Variants in ERO1A observed in about 807,000 individuals in gnomAD.
The protein encoded by ERO1A is endoplasmic reticulum oxidoreductase 1 alpha, also known as ERO1-like protein alpha.
Under a neutral mutation model 76.9 loss-of-function variants are expected in ERO1A, and 49 were observed. That is an observed-to-expected ratio of 0.64 (90% CI 0.51 to 0.81). ERO1A has a LOEUF of 0.81. ERO1A is among the 30% of genes least tolerant of loss of function. The pLI is 0.00. For missense variants in ERO1A, 448 were observed against 542.1 expected (o/e 0.83, Z 1.72); for synonymous variants, 174 against 181.2 (o/e 0.96, Z 0.32).
rs574383675 is a variant in ERO1A at position 52,662,639 on chromosome 14, A to G, written c.676+1162T>C. Among the ~76,000 whole-genome samples the G allele has an allele frequency of 2.6e-5, 4 of 152,332 alleles. No individual in the cohort carries two copies. The East Asian group carries it at 7.7e-4, about 29-fold the overall frequency. ...CAACAAACCATTCTTCATATTACAGATGGGGTAGGGTTTTTGTAAATTTTA... is the reference window on the plus strand; with the variant it reads ...CAACAAACCATTCTTCATATTACAGGTGGGGTAGGGTTTTTGTAAATTTTA... On this transcript the variant is annotated intron_variant, in intron 8 of 15. Transcript: ENST00000395686.
intron 4 of ERO1A, among the ~76,000 whole-genome samples, chr14:52,673,199 C>T (rs57400392): frequency 0.14 from 20,954 of 152,066 alleles, 1,483 homozygotes; most frequent in East Asian, 0.23. Flanking sequence ...AAGCAATCTT[C>T]CCCTCTCAGT....
chr14:52,656,768 A>G (rs923525850), intron 11 of ERO1A, among the ~76,000 whole-genome samples: 5 of 152,064 alleles, frequency 3.3e-5, no homozygotes, highest in South Asian at 2.1e-4. Context: ...GCCATTTAAA[A>G]TCAAAGTTAC....
chr14:52,667,671 G>A lies in ERO1A; in HGVS notation c.509-1176C>T, dbSNP rs557135371. Among the ~76,000 whole-genome samples, 52 of 152,218 alleles carry A rather than the reference G, an allele frequency of 3.4e-4. 1 individual carries two copies. Among genetic ancestry groups the A allele is most frequent in the Admixed American group, 1.7e-3 (26 of 15,284 alleles). ...CAGGAGGTCCAGGCTGCAGTGAGCC[G>A]TGATTGCACCACGGCACTCCAGCCT... On this transcript the variant is annotated intron_variant, in intron 6 of 15. Coordinates refer to ENST00000395686, the MANE Select transcript of ERO1A (RefSeq NM_014584.3).
chr14:52,679,339 G>A (rs762043969), intron 3 of ERO1A, among the ~76,000 whole-genome samples: 6 of 151,860 alleles, frequency 4.0e-5, no homozygotes, highest in Non-Finnish European at 5.9e-5. Context: ...TGATCTAATC[G>A]TGGCATTTCT....
intron 7 of ERO1A, chr14:52,664,079 T>G (rs2040322761): frequency 3.0e-6 from 1 of 334,780 alleles, no homozygotes; most frequent in African/African-American, 2.1e-5. Flanking sequence ...TCCTAATCAC[T>G]TCTTCAAACA....
intron 1 of ERO1A, among the ~76,000 whole-genome samples, chr14:52,690,956 G>A (rs2041334298): frequency 1.3e-5 from 2 of 151,912 alleles, no homozygotes; most frequent in East Asian, 3.9e-4. Context: ...TAGTAGAGAT[G>A]GGGTTTCTTC....
intron 1 of ERO1A, among the ~76,000 whole-genome samples, chr14:52,688,963 CT>C (rs58682058): frequency 6.6e-6 from 1 of 151,558 alleles, no homozygotes; most frequent in African/African-American, 2.4e-5. Context: ...TCCTCATATA[CT>C]TTTTTTTTGA....
chr14:52,687,166 G>A (rs1231973264), intron 1 of ERO1A, among the ~76,000 whole-genome samples: 1 of 152,182 alleles, frequency 6.6e-6, no homozygotes, highest in African/African-American at 2.4e-5. Context: ...TCAGGCTCAT[G>A]CCTGTAATCA....
At chr14:52,643,682 G>GA in intron 15 of ERO1A, 52 bp from the exon 16 acceptor site, 1 of 967,260 alleles carries the variant, frequency 1.0e-6, no homozygotes, top group Non-Finnish European at 1.5e-6. Context: ...AATTTTATCT[G>GA]TAAAAGTTAT....
At chr14:52,653,359 A>G in intron 11 of ERO1A, 44 bp from the exon 12 acceptor site, 1 of 1,490,426 alleles carries the variant, frequency 6.7e-7, no homozygotes, top group African/African-American at 1.4e-5. Context: ...GAATTTGACA[A>G]TTTTTACTTT....
intron 11 of ERO1A, among the ~76,000 whole-genome samples, chr14:52,654,492 G>T (rs1030500457): frequency 2.0e-5 from 3 of 151,914 alleles, no homozygotes; most frequent in African/African-American, 7.3e-5. Flanking sequence ...ATTTGTTCAG[G>T]TAAGAACTAG....
intron 6 of ERO1A, among the ~76,000 whole-genome samples, chr14:52,667,267 C>T (rs1350650026): frequency 1.3e-5 from 2 of 152,158 alleles, no homozygotes; most frequent in African/African-American, 4.8e-5. Flanking sequence ...GATTCTGTGT[C>T]AACATTATTT....
intron 3 of ERO1A, among the ~76,000 whole-genome samples, chr14:52,681,099 A>C (rs984517415): frequency 6.6e-6 from 1 of 152,228 alleles, no homozygotes. Flanking sequence ...AGAAAAAAAC[A>C]AACGGAACTA....
At chr14:52,668,939 T>C (rs1458459333) in intron 6 of ERO1A, among the ~76,000 whole-genome samples, 1 of 151,918 alleles carries the variant, frequency 6.6e-6, no homozygotes, top group Non-Finnish European at 1.5e-5. Flanking sequence ...ACATGTTTTG[T>C]AAAATCTAAG....
intron 3 of ERO1A, among the ~76,000 whole-genome samples, chr14:52,678,823 G>A (rs2040890347): frequency 6.6e-6 from 1 of 152,102 alleles, no homozygotes; most frequent in South Asian, 2.1e-4. Flanking sequence ...TTACTCCAGT[G>A]GTCCTTAGTA....
At chr14:52,678,314 A>G in intron 4 of ERO1A, 120 bp downstream of exon 4, 1 of 651,450 alleles carries the variant, frequency 1.5e-6, no homozygotes, top group Non-Finnish European at 2.7e-6. Flanking sequence ...ATTCAGCATA[A>G]ATACCTCTCA....
intron 13 of ERO1A, among the ~76,000 whole-genome samples, chr14:52,651,989 C>CTT (rs78451217): frequency 6.0e-5 from 8 of 133,850 alleles, no homozygotes; most frequent in African/African-American, 1.4e-4. Flanking sequence ...CTACTCTCTA[C>CTT]TTTTTTTTTT....
intron 7 of ERO1A, among the ~76,000 whole-genome samples, chr14:52,666,120 C>A (rs1206972804): frequency 2.0e-5 from 3 of 152,090 alleles, no homozygotes; most frequent in Non-Finnish European, 4.4e-5. Context: ...AAAATGAGAT[C>A]CTATAATCGA....
chr14:52,689,405 C>A (rs1005129022), intron 1 of ERO1A, among the ~76,000 whole-genome samples: 19 of 151,984 alleles, frequency 1.3e-4, no homozygotes, highest in African/African-American at 4.6e-4. Context: ...CCTAAAGACT[C>A]CACCAGAAAA....
Sources: gnomAD v4.1 joint callset for allele counts (sites outside exome capture counted in the v4.1 genomes callset) on GRCh38, gnomAD v4.1.1 for gene constraint, MANE v1.5 for transcripts, NCBI Gene and HGNC (gene_info 2026-07-23, HGNC 2026-07-21) for gene names.